The following EP400 variants were observed in gnomAD, a reference collection of about 807,000 sequenced individuals.
The protein encoded by EP400 is E1A binding protein p400.
In EP400, 105 loss-of-function variants were observed where a neutral mutation model predicts 354.1. The observed-to-expected ratio is 0.30, with a 90% confidence interval of 0.25 to 0.35. The LOEUF (loss-of-function observed/expected upper bound fraction) is 0.35, where lower values mean the gene tolerates loss of function less well. Ranked by LOEUF, EP400 falls within the 10% of genes least tolerant of loss-of-function variation. EP400 has a pLI of 1.00. For synonymous variants in EP400, 1,646 were observed against 1,716.9 expected (o/e 0.96, Z 1.02); for missense variants, 3,280 against 4,121.0 (o/e 0.80, Z 5.59).
At chr12:131,951,670 C>T (rs1365314644) in intron 1 of EP400, among the ~76,000 whole-genome samples, 2 of 152,236 alleles carry the variant, frequency 1.3e-5, no homozygotes, top group East Asian at 3.9e-4. Context: ...GGCGCGATCT[C>T]GGCTCACTGC....
At chr12:132,059,571 T>A (rs914842874) in intron 45 of EP400, among the ~76,000 whole-genome samples, 1 of 152,176 alleles carries the variant, frequency 6.6e-6, no homozygotes, top group Non-Finnish European at 1.5e-5. Context: ...CACAAATAGT[T>A]TTCTAGTATA....
intron 25 of EP400, among the ~76,000 whole-genome samples, chr12:132,026,692 A>G (rs1894317198): frequency 6.6e-6 from 1 of 152,100 alleles, no homozygotes; most frequent in East Asian, 1.9e-4. Flanking sequence ...TCAGCTTCAG[A>G]GGCCCCAGTA....
chr12:132,042,198 G>A (rs972202178), intron 32 of EP400, among the ~76,000 whole-genome samples: 3 of 152,116 alleles, frequency 2.0e-5, no homozygotes, highest in Admixed American at 6.5e-5. Context: ...TGATCTGCCC[G>A]CCTTGGCCTT....
At chr12:132,020,543 C>T (rs1894091540) in intron 22 of EP400, among the ~76,000 whole-genome samples, 2 of 152,158 alleles carry the variant, frequency 1.3e-5, no homozygotes. Context: ...AACGTCTGCT[C>T]ATATTGTATT....
At chr12:131,998,515 A>G (rs567529118) in intron 12 of EP400, among the ~76,000 whole-genome samples, 4 of 151,966 alleles carry the variant, frequency 2.6e-5, no homozygotes, top group Non-Finnish European at 5.9e-5. Context: ...TATATTTTTA[A>G]AAGTTGTGCT....
intron 47 of EP400, among the ~76,000 whole-genome samples, chr12:132,062,944 G>T (rs1427516062): frequency 1.3e-5 from 2 of 152,206 alleles, no homozygotes; most frequent in Admixed American, 1.3e-4. Context: ...TTAACACCCA[G>T]CGTGCAAATG....
intron 15 of EP400, among the ~76,000 whole-genome samples, chr12:132,007,237 G>A (rs758443649): frequency 6.6e-6 from 1 of 152,278 alleles, no homozygotes; most frequent in Non-Finnish European, 1.5e-5. Flanking sequence ...TCTCAGCCGT[G>A]TGGGGTGGTT....
At chr12:131,982,057 G>A (rs1225324026) in intron 4 of EP400, 36 bp from the exon 5 acceptor site, 1 of 1,499,770 alleles carries the variant, frequency 6.7e-7, no homozygotes, top group Non-Finnish European at 8.8e-7. Flanking sequence ...GCCACACTTG[G>A]GAATCAGTGC....
At chr12:131,995,648 T>C (rs1027377797) in intron 12 of EP400, among the ~76,000 whole-genome samples, 1 of 149,528 alleles carries the variant, frequency 6.7e-6, no homozygotes, top group African/African-American at 2.5e-5. Flanking sequence ...GAATGTGCCG[T>C]TCATCCTGAG....
rs765641102 is a variant in EP400, at chr12:131,992,137, A to G, written c.2680-36A>G. The G allele has an allele frequency of 8.1e-6, 13 of 1,598,126 alleles. No homozygotes were observed. The East Asian group carries it at 2.9e-4, about 36-fold the overall frequency. On this transcript the variant is annotated intron_variant, in intron 10 of 52. Coordinates refer to ENST00000389561, the MANE Select transcript of EP400 (RefSeq NM_015409.5). ...TTGGTTTCCCATTCTGAGTGTTTGG[A>G]TCTCATGCTTGTGGTTTTTCTTTCT...
chr12:132,051,666 G>A (rs1895293921), intron 41 of EP400, among the ~76,000 whole-genome samples: 1 of 152,182 alleles, frequency 6.6e-6, no homozygotes, highest in Non-Finnish European at 1.5e-5. Flanking sequence ...GTACAAGATG[G>A]AACATGAAGG....
Position 132,025,853 on chromosome 12 carries a change from C to T in EP400, c.5014+49C>T, listed in dbSNP as rs757515533. On this transcript the variant is annotated intron_variant, in intron 25 of 52. Transcript: ENST00000389561. This position sits in a 1 kb window ranked among gnomAD's most constrained non-coding sequence, Gnocchi z 4.1. Reference sequence around the variant, plus strand: ...AGACTTGGCTTGGATGCTTCTTTCTCTTCCATCTAAGGCGAGTGGAAAGCA... The same window carrying T: ...AGACTTGGCTTGGATGCTTCTTTCTTTTCCATCTAAGGCGAGTGGAAAGCA... 5 of 1,520,460 alleles carry T rather than the reference C, an allele frequency of 3.3e-6. No homozygotes were observed. The highest frequency in any genetic ancestry group is 1.4e-5 in the African/African-American group (1 of 72,354). 94.2% of individuals were successfully genotyped at this position (1,520,460 alleles called of 1,614,324 possible). A position where few individuals can be genotyped will look rare whatever the true frequency, so the allele number is the denominator to read the frequency against.
At chr12:132,024,310 C>G (rs1472261765) in intron 24 of EP400, among the ~76,000 whole-genome samples, 1 of 152,182 alleles carries the variant, frequency 6.6e-6, no homozygotes, top group Non-Finnish European at 1.5e-5. Context: ...GAGGTTGAAA[C>G]TGCAGTGAGC....
chr12:132,066,031 A>G (rs1895880007), intron 48 of EP400: 1 of 152,264 alleles, frequency 6.6e-6, no homozygotes, highest in Non-Finnish European at 1.5e-5. Context: ...TTAAATGTCC[A>G]TTACTAAGAA....
Position 132,062,588 on chromosome 12 carries a change from C to T in EP400, c.8221C>T (p.Gln2741Ter), listed in dbSNP as rs1201871322. The change falls in exon 47 of 53, where the codon CAG (glutamine) becomes TAG (stop). Residue 2741 changes from glutamine (Q) to a stop codon, truncating the protein, a stop_gained. Coordinates refer to ENST00000389561, the MANE Select transcript of EP400 (RefSeq NM_015409.5). LOFTEE classifies it high-confidence loss of function. ...QQQQQQQQQQ[Q>*]QQQQQQQTTT... ...GCAGCAGCAGCAGCAGCAGCAGCAG[C>T]AGCAACAGCAGCAGCAGCAACAGAC... 6.3e-7 allele frequency: 1 copy of T among 1,598,896 alleles called. No individual in the cohort carries two copies. Among genetic ancestry groups the T allele is most frequent in the African/African-American group, 1.4e-5 (1 of 73,662 alleles).
At chr12:132,024,544 A>G (rs1894232542) in intron 24 of EP400, among the ~76,000 whole-genome samples, 1 of 152,316 alleles carries the variant, frequency 6.6e-6, no homozygotes, top group African/African-American at 2.4e-5. Flanking sequence ...GGTGAAGAGC[A>G]GTGTGTTTAT....
chr12:131,967,108 G>A (rs1055274475), intron 2 of EP400, among the ~76,000 whole-genome samples: 2 of 151,678 alleles, frequency 1.3e-5, no homozygotes, highest in Non-Finnish European at 2.9e-5. Flanking sequence ...GGCTAGGTGC[G>A]GTGGCTCATG....
chr12:132,054,923 G>T lies in EP400; in HGVS notation c.7729-51G>T. 1 of 1,574,668 alleles carries T rather than the reference G, an allele frequency of 6.4e-7. No homozygotes were observed. The highest frequency in any genetic ancestry group is 8.7e-7 in the Non-Finnish European group (1 of 1,145,498). The stretch of plus-strand genomic sequence containing the variant: ...AAGTGGAAGCCTTTGGAGGATTTAT[G>T]CAGGGGAGAGCCTGACGTGAAATTC... On this transcript the variant is annotated intron_variant, in intron 43 of 52. Coordinates refer to ENST00000389561, the MANE Select transcript of EP400 (RefSeq NM_015409.5). The surrounding 1 kb of genome is among the most constrained non-coding windows in gnomAD (Gnocchi z 4.0).
intron 41 of EP400, among the ~76,000 whole-genome samples, chr12:132,051,325 C>T (rs568268986): frequency 4.1e-4 from 63 of 152,204 alleles, no homozygotes; most frequent in African/African-American, 1.4e-3. Flanking sequence ...GACGAGAGAG[C>T]GTAGAAATAA....
Sources: gnomAD v4.1 joint callset for allele counts (sites outside exome capture counted in the v4.1 genomes callset) on GRCh38, gnomAD v4.1.1 for gene constraint, Gnocchi (gnomAD v3.1) non-coding constraint, MANE v1.5 for transcripts, NCBI Gene and HGNC (gene_info 2026-07-23, HGNC 2026-07-21) for gene names.